NLGN1: variants seen among roughly 807,000 people sequenced by gnomAD.
NLGN1 encodes neuroligin-1.
Under a neutral mutation model 65.5 loss-of-function variants are expected in NLGN1, and 12 were observed. The observed-to-expected ratio is 0.18, with a 90% confidence interval of 0.12 to 0.30. The LOEUF (loss-of-function observed/expected upper bound fraction) is 0.30, where lower values mean the gene tolerates loss of function less well. NLGN1 is among the 10% of genes least tolerant of loss of function. The pLI is 1.00. For missense variants in NLGN1, 750 were observed against 1,007.1 expected (o/e 0.74, Z 3.46); for synonymous variants, 350 against 359.5 (o/e 0.97, Z 0.30).
At chr3:173,438,371 C>T (rs926298391) in intron 2 of NLGN1, among the ~76,000 whole-genome samples, 1 of 151,976 alleles carries the variant, frequency 6.6e-6, no homozygotes, top group Non-Finnish European at 1.5e-5. Context: ...TTATACATAT[C>T]GTCTTTCCTA....
intron 3 of NLGN1, among the ~76,000 whole-genome samples, chr3:173,642,623 G>A (rs543219351): frequency 6.6e-6 from 1 of 152,300 alleles, no homozygotes; most frequent in East Asian, 1.9e-4. Context: ...TTGGTGGAAA[G>A]TAATTAACCC....
In NLGN1 at chr3:174,279,625, T is replaced by C. The variant is rs768341086; in HGVS notation, c.1624T>C (p.Tyr542His). 3.1e-6 allele frequency: 5 copies of C among 1,606,608 alleles called. No individual in the cohort carries two copies. The South Asian group carries it at 5.5e-5, about 18-fold the overall frequency. ...GATGCTGAGTGCAGTTGTAATGACA[T>C]ACTGGACAAATTTTGCTAAAACTGG... The change falls in exon 6 of 7, where the codon TAC (tyrosine) becomes CAC (histidine). Residue 542 changes from tyrosine (Y) to histidine (H), a missense_variant. Tyr to His is a moderately conservative substitution (Grantham distance 83, BLOSUM62 2). Transcript: ENST00000457714. The surrounding 1 kb of genome is among the most constrained non-coding windows in gnomAD (Gnocchi z 4.7).
chr3:173,983,235 T>C (rs1022535612), intron 4 of NLGN1, among the ~76,000 whole-genome samples: 1 of 152,160 alleles, frequency 6.6e-6, no homozygotes, highest in Admixed American at 6.5e-5. Flanking sequence ...CATGTACTAG[T>C]CAATGCCAAA....
At chr3:173,713,772 C>T (rs1769383387) in intron 3 of NLGN1, among the ~76,000 whole-genome samples, 1 of 152,064 alleles carries the variant, frequency 6.6e-6, no homozygotes, top group South Asian at 2.1e-4. Flanking sequence ...CTGTACTCAA[C>T]AAAGGTTAAT....
intron 4 of NLGN1, among the ~76,000 whole-genome samples, chr3:174,023,020 G>T (rs1427572777): frequency 2.0e-5 from 3 of 152,088 alleles, no homozygotes; most frequent in Non-Finnish European, 4.4e-5. Flanking sequence ...TACCTAGAAA[G>T]AAGCTTTATT....
At position 174,042,258 on chromosome 3, in the gene NLGN1, C is replaced by A. The variant is rs77833196; in HGVS notation, c.647-233057C>A. Among the ~76,000 whole-genome samples the A allele has an allele frequency of 5.9e-3, 900 of 151,728 alleles. 6 individuals carry two copies. The highest frequency in any genetic ancestry group is 0.051 in the Middle Eastern group (15 of 292). Reference sequence around the variant, plus strand: ...TTATTTTTTTTCTTTTATAATTATTCTTTTGTGTGATCTGTTTAAGAAAGC... The same window carrying A: ...TTATTTTTTTTCTTTTATAATTATTATTTTGTGTGATCTGTTTAAGAAAGC... On this transcript the variant is annotated intron_variant, in intron 4 of 6. Coordinates refer to ENST00000457714, the Ensembl canonical transcript of NLGN1.
rs538113679 is a variant in NLGN1, at chr3:173,582,728, T to G, written c.-320-21551T>G. Among the ~76,000 whole-genome samples the G allele has an allele frequency of 8.5e-5, 13 of 152,198 alleles. No individual in the cohort carries two copies. In the East Asian group the frequency reaches 2.5e-3, roughly 29 times the overall value. ...ATGCATTGCAAATATCTTTTATGAG[T>G]GTACATTTTGATTTATATAATTGCT... On this transcript the variant is annotated intron_variant, in intron 2 of 6. Coordinates refer to ENST00000457714, the Ensembl canonical transcript of NLGN1.
At chr3:173,569,599 T>TC (rs1744295700) in intron 2 of NLGN1, among the ~76,000 whole-genome samples, 1 of 142,040 alleles carries the variant, frequency 7.0e-6, no homozygotes, top group Non-Finnish European at 1.6e-5. Flanking sequence ...TTTTTTTTTT[T>TC]CTATTTATTT....
chr3:173,484,420 T>C (rs1727822008), intron 2 of NLGN1, among the ~76,000 whole-genome samples: 1 of 152,086 alleles, frequency 6.6e-6, no homozygotes, highest in Non-Finnish European at 1.5e-5. Context: ...ATTTAAAAGA[T>C]GGAATGTGTA....
chr3:174,065,886 C>A (rs953020874), intron 4 of NLGN1, among the ~76,000 whole-genome samples: 3 of 152,084 alleles, frequency 2.0e-5, no homozygotes, highest in African/African-American at 7.2e-5. Flanking sequence ...AGAAACGAGA[C>A]CCTCAGCTCC....
intron 1 of NLGN1, among the ~76,000 whole-genome samples, chr3:173,429,938 G>C (rs1716887582): frequency 6.6e-6 from 1 of 152,178 alleles, no homozygotes; most frequent in Admixed American, 6.5e-5. Context: ...AAGAATAGCT[G>C]CTGAGTTTTG....
At chr3:173,506,598 T>C (rs1235272977) in intron 2 of NLGN1, among the ~76,000 whole-genome samples, 2 of 152,140 alleles carry the variant, frequency 1.3e-5, no homozygotes, top group African/African-American at 2.4e-5. Context: ...ATGGTAGCTA[T>C]TAAACCTGCT....
chr3:174,254,562 T>C (rs1330247880), intron 4 of NLGN1, among the ~76,000 whole-genome samples: 1 of 152,020 alleles, frequency 6.6e-6, no homozygotes, highest in Non-Finnish European at 1.5e-5. Flanking sequence ...TCATGGATAA[T>C]TGTGTTAGAT....
intron 3 of NLGN1, among the ~76,000 whole-genome samples, chr3:173,763,053 C>A (rs961609576): frequency 1.3e-5 from 2 of 151,560 alleles, no homozygotes; most frequent in Non-Finnish European, 2.9e-5. Context: ...AGACTGCACC[C>A]TTTTTCTTGT....
At chr3:174,157,884 G>A (rs1427871873) in intron 4 of NLGN1, among the ~76,000 whole-genome samples, 2 of 151,654 alleles carry the variant, frequency 1.3e-5, no homozygotes, top group Non-Finnish European at 3.0e-5. Context: ...TCCACCCTTA[G>A]AACACTCACT....
chr3:173,641,340 A>C (rs774538113), intron 3 of NLGN1, among the ~76,000 whole-genome samples: 1 of 151,952 alleles, frequency 6.6e-6, no homozygotes, highest in Non-Finnish European at 1.5e-5. Context: ...TTTAGATGGA[A>C]TCTCCTTCTG....
chr3:173,956,900 T>G (rs557338375), intron 4 of NLGN1, among the ~76,000 whole-genome samples: 1 of 152,324 alleles, frequency 6.6e-6, no homozygotes, highest in South Asian at 2.1e-4. Flanking sequence ...TTCCCACTGA[T>G]GAGAACATAT....
At chr3:174,135,365 G>T (rs377683127) in intron 4 of NLGN1, among the ~76,000 whole-genome samples, 4 of 152,248 alleles carry the variant, frequency 2.6e-5, no homozygotes, top group African/African-American at 9.6e-5. Flanking sequence ...ATAGGCAGAG[G>T]ACATAAAGGT....
intron 4 of NLGN1, among the ~76,000 whole-genome samples, chr3:174,017,246 A>T (rs1726765086): frequency 6.6e-6 from 1 of 152,152 alleles, no homozygotes; most frequent in Non-Finnish European, 1.5e-5. Context: ...CTTTTGGCTG[A>T]TGTTGTGTCC....
Sources: gnomAD v4.1 joint callset for allele counts (sites outside exome capture counted in the v4.1 genomes callset) on GRCh38, gnomAD v4.1.1 for gene constraint, Gnocchi (gnomAD v3.1) non-coding constraint, MANE v1.5 for transcripts, NCBI Gene and HGNC (gene_info 2026-07-23, HGNC 2026-07-21) for gene names.